The following TNFAIP8L3 variants were observed in gnomAD, a reference collection of about 807,000 sequenced individuals.
The protein encoded by TNFAIP8L3 is tumor necrosis factor alpha-induced protein 8-like protein 3.
In TNFAIP8L3, 7 loss-of-function variants were observed where a neutral mutation model predicts 11.8. The ratio of observed to expected loss-of-function variants is 0.59; its 90% CI spans 0.34 to 1.11. The LOEUF is 1.11. Ranked by LOEUF, TNFAIP8L3 falls within the 50% of genes most tolerant of loss-of-function variation. TNFAIP8L3 has a pLI of 0.03. For synonymous variants in TNFAIP8L3, 98 were observed against 103.8 expected (o/e 0.94, Z 0.34); for missense variants, 219 against 258.6 (o/e 0.85, Z 1.05).
At chr15:51,077,979 GT>G (rs2065366828) in intron 1 of TNFAIP8L3, among the ~76,000 whole-genome samples, 1 of 152,172 alleles carries the variant, frequency 6.6e-6, no homozygotes, top group Admixed American at 6.5e-5. Flanking sequence ...CAAGAACCCC[GT>G]TTTAGCTGAA....
chr15:51,090,009 TCAA>T (rs1373603856), intron 1 of TNFAIP8L3, among the ~76,000 whole-genome samples: 3 of 152,174 alleles, frequency 2.0e-5, no homozygotes, highest in Admixed American at 1.3e-4. Context: ...GCAATGAGAA[TCAA>T]CAAACCCTCA....
chr15:51,067,963 A>T (rs938788339), intron 1 of TNFAIP8L3, among the ~76,000 whole-genome samples: 1 of 152,266 alleles, frequency 6.6e-6, no homozygotes, highest in Non-Finnish European at 1.5e-5. Flanking sequence ...GGCCATCTAC[A>T]TTTCAAAAAT....
chr15:51,093,410 C>T (rs2065486887), intron 1 of TNFAIP8L3, among the ~76,000 whole-genome samples: 1 of 152,202 alleles, frequency 6.6e-6, no homozygotes, highest in South Asian at 2.1e-4. Context: ...AAATAACTGC[C>T]TGGCCAGGGG....
chr15:51,084,180 A>AGG (rs753504002), intron 1 of TNFAIP8L3, among the ~76,000 whole-genome samples: 6 of 144,404 alleles, frequency 4.2e-5, no homozygotes, highest in East Asian at 4.5e-4. Context: ...GTAGATGTAT[A>AGG]GGGGTGTGTG....
chr15:51,103,002 C>A (rs1307258132), intron 1 of TNFAIP8L3, among the ~76,000 whole-genome samples: 1 of 152,130 alleles, frequency 6.6e-6, no homozygotes, highest in Admixed American at 6.5e-5. Flanking sequence ...CTCCCCTTCT[C>A]TTCCCTCAGC....
At chr15:51,092,969 C>T (rs557802949) in intron 1 of TNFAIP8L3, among the ~76,000 whole-genome samples, 10 of 152,268 alleles carry the variant, frequency 6.6e-5, no homozygotes, top group African/African-American at 2.4e-4. Context: ...GAATGTTGTT[C>T]TTAGGATTTT....
At chr15:51,064,231 T>C (rs1434939884) in intron 1 of TNFAIP8L3, among the ~76,000 whole-genome samples, 1 of 152,176 alleles carries the variant, frequency 6.6e-6, no homozygotes. Flanking sequence ...GTAGGACCCA[T>C]GATTTATAAC....
chr15:51,078,173 C>T (rs901025796), intron 1 of TNFAIP8L3, among the ~76,000 whole-genome samples: 14 of 152,120 alleles, frequency 9.2e-5, no homozygotes, highest in African/African-American at 3.4e-4. Context: ...TTTTATTCTT[C>T]CCTGGCTTTC....
chr15:51,066,413 C>T (rs1414648051), intron 1 of TNFAIP8L3, among the ~76,000 whole-genome samples: 3 of 152,152 alleles, frequency 2.0e-5, no homozygotes, highest in Admixed American at 1.3e-4. Context: ...CCACCCGCCT[C>T]GGCCTCCCAA....
intron 1 of TNFAIP8L3, among the ~76,000 whole-genome samples, chr15:51,086,191 C>T (rs549550496): frequency 6.6e-6 from 1 of 152,214 alleles, no homozygotes; most frequent in Non-Finnish European, 1.5e-5. Flanking sequence ...TGGTATCTCT[C>T]TTAACTCTGC....
upstream of TNFAIP8L3, among the ~76,000 whole-genome samples, chr15:51,097,778 A>G (rs898041626): frequency 1.1e-4 from 16 of 151,826 alleles, no homozygotes. Flanking sequence ...GTATCCTATG[A>G]CCATCAACCC....
chr15:51,075,789 AGAAAC>A (rs1345056355), intron 1 of TNFAIP8L3, among the ~76,000 whole-genome samples: 1 of 152,234 alleles, frequency 6.6e-6, no homozygotes, highest in African/African-American at 2.4e-5. Flanking sequence ...CTTGGAAAAA[AGAAAC>A]AAAACATGGC....
intron 1 of TNFAIP8L3, among the ~76,000 whole-genome samples, chr15:51,102,244 G>A (rs760172878): frequency 6.6e-6 from 1 of 152,170 alleles, no homozygotes; most frequent in Non-Finnish European, 1.5e-5. Flanking sequence ...TTCATCTGAT[G>A]CTGACTCTCC....
At chr15:51,064,065 A>T (rs2065255619) in intron 1 of TNFAIP8L3, among the ~76,000 whole-genome samples, 1 of 152,188 alleles carries the variant, frequency 6.6e-6, no homozygotes, top group Non-Finnish European at 1.5e-5. Flanking sequence ...AGCATCTCTG[A>T]AGCTTTAAAG....
chr15:51,057,751 T>A lies in TNFAIP8L3; in HGVS notation c.*130A>T, dbSNP rs1313029674. ...GCTCAGTTCAGCATCAGAATCAGCA[T>A]CAGAGGGATGAACAGGAAAGAACAT... On this transcript the variant is annotated 3_prime_UTR_variant, in exon 2 of 2. Coordinates refer to ENST00000637513, the MANE Select transcript of TNFAIP8L3 (RefSeq NM_001311175.2). 10 of 787,442 alleles carry A rather than the reference T, an allele frequency of 1.3e-5. No individual in the cohort carries two copies. Among genetic ancestry groups the A allele is most frequent in the Admixed American group, 3.1e-5 (1 of 32,034 alleles). The allele number at this position is 787,442 out of a possible 1,614,324, so 48.8% of individuals were successfully genotyped here.
chr15:51,083,693 C>T (rs960748722), intron 1 of TNFAIP8L3, among the ~76,000 whole-genome samples: 1 of 152,188 alleles, frequency 6.6e-6, no homozygotes, highest in Non-Finnish European at 1.5e-5. Flanking sequence ...GCATGGAGGC[C>T]CACAAAGGCT....
intron 1 of TNFAIP8L3, among the ~76,000 whole-genome samples, chr15:51,102,185 C>T (rs1004005214): frequency 6.6e-6 from 1 of 151,964 alleles, no homozygotes; most frequent in Non-Finnish European, 1.5e-5. Context: ...CTGGGAGTGG[C>T]AGAGCTGAGA....
chr15:51,062,819 C>A (rs2065249270), intron 1 of TNFAIP8L3, among the ~76,000 whole-genome samples: 1 of 152,150 alleles, frequency 6.6e-6, no homozygotes, highest in African/African-American at 2.4e-5. Flanking sequence ...TAATGACCCC[C>A]AGAGATATCC....
At chr15:51,083,241 G>A (rs12708425) in intron 1 of TNFAIP8L3, among the ~76,000 whole-genome samples, 90,102 of 151,922 alleles carry the variant, frequency 0.59, 26,860 homozygotes, top group Non-Finnish European at 0.62. Context: ...TTCAGAAATA[G>A]ATTCACATTA....
Sources: allele counts gnomAD v4.1 joint callset (sites outside exome capture counted in the v4.1 genomes callset), GRCh38; gene constraint gnomAD v4.1.1; transcripts MANE v1.5; gene names NCBI Gene and HGNC (gene_info 2026-07-23, HGNC 2026-07-21).